Variants in PCID2 observed in about 807,000 individuals in gnomAD.
PCID2 encodes the protein PCI domain containing 2, also known as PCI domain-containing protein 2.
A neutral mutation model predicts 61.3 loss-of-function variants in PCID2; 41 were observed. That is an observed-to-expected ratio of 0.67 (90% CI 0.52 to 0.87). The LOEUF is 0.87. PCID2 is among the 40% of genes least tolerant of loss of function. The pLI is 0.00. For missense variants in PCID2, 392 were observed against 493.4 expected, an observed-to-expected ratio of 0.79 and a Z score of 1.95; for synonymous variants, 187 against 177.8, an observed-to-expected ratio of 1.05 and a Z score of -0.41.
At chr13:113,178,844 G>T (rs1185940601) in intron 13 of PCID2, 122 bp downstream of exon 13, 2 of 895,830 alleles carry the variant, frequency 2.2e-6, no homozygotes, top group East Asian at 2.7e-5. Flanking sequence ...GCTAAAATTA[G>T]TTCTATCAAA....
rs2039161195 is a variant in PCID2 at position 113,198,193 on chromosome 13, T to C, written c.198A>G (p.Leu66=). The change falls in exon 3 of 14, where the codon TTA becomes TTG. Residue 66 remains leucine, a splice_region_variant and synonymous_variant. Coordinates refer to ENST00000337344, the MANE Select transcript of PCID2 (RefSeq NM_001127202.4). ...TTTCTTCCTCCCCAACAGATTACCT[T>C]AAATGAGCTGCAAACATTTCATCAT... The part of the protein sequence containing the change: ...PPYDEMFAAH[L]RCTYAVGNHD... 1 of 1,599,222 alleles carries C rather than the reference T, an allele frequency of 6.3e-7. No homozygotes were observed.
chr13:113,200,634 A>G (rs2039352170), intron 1 of PCID2, 118 bp from the exon 2 acceptor site: 1 of 656,408 alleles, frequency 1.5e-6, no homozygotes, highest in African/African-American at 1.8e-5. Context: ...CTTTGAAAGA[A>G]GACAGAACAA....
chr13:113,178,591 T>C, intron 13 of PCID2: 3 of 379,870 alleles, frequency 7.9e-6, no homozygotes, highest in Non-Finnish European at 1.5e-5. Context: ...ACAACAGCTA[T>C]CTACAGTGCA....
chr13:113,192,987 T>C (rs2038735688), intron 6 of PCID2, among the ~76,000 whole-genome samples: 1 of 152,178 alleles, frequency 6.6e-6, no homozygotes, highest in Non-Finnish European at 1.5e-5. Flanking sequence ...GAAGCGGCCC[T>C]CTTCATCAGA....
chr13:113,196,446 T>C (rs1213570109), intron 4 of PCID2, among the ~76,000 whole-genome samples: 2 of 152,214 alleles, frequency 1.3e-5, no homozygotes, highest in Non-Finnish European at 2.9e-5. Context: ...ATACACACTG[T>C]CTCCTAAATA....
chr13:113,180,543 G>A (rs553751837), intron 10 of PCID2, among the ~76,000 whole-genome samples: 11 of 152,300 alleles, frequency 7.2e-5, no homozygotes, highest in Admixed American at 2.6e-4. Context: ...GTAGGCATAC[G>A]GAAGTAGCTT....
At chr13:113,203,948 CCATGTGGGCAGGCCTAG>C (rs2039615581) in intron 1 of PCID2, among the ~76,000 whole-genome samples, 1 of 152,264 alleles carries the variant, frequency 6.6e-6, no homozygotes, top group Non-Finnish European at 1.5e-5. Flanking sequence ...CCTCCCTGTG[CCATGTGGGCAGGCCTAG>C]CCACAGGAGC....
At position 113,179,168 on chromosome 13, in the gene PCID2, T is replaced by C; in HGVS notation, c.987-79A>G. On this transcript the variant is annotated intron_variant, in intron 12 of 13. Coordinates refer to ENST00000337344, the MANE Select transcript of PCID2 (RefSeq NM_001127202.4). This position sits in a 1 kb window ranked among gnomAD's most constrained non-coding sequence, Gnocchi z 4.3. The stretch of plus-strand genomic sequence containing the variant: ...ACAGCCAAGAAAAGGCACCTCTTAA[T>C]AAGCCGGTGTTCTAAAGGAGTAAAA... 1 of 1,323,648 alleles carries C rather than the reference T, an allele frequency of 7.6e-7. No homozygotes were observed. Among genetic ancestry groups the C allele is most frequent in the Non-Finnish European group, 1.0e-6 (1 of 956,210 alleles). The allele number at this position is 1,323,648 out of a possible 1,614,324, so 82.0% of individuals were successfully genotyped here. A position where few individuals can be genotyped will look rare whatever the true frequency, so the allele number is the denominator to read the frequency against.
intron 1 of PCID2, chr13:113,200,744 G>C (rs1214156325): frequency 2.9e-6 from 1 of 340,566 alleles, no homozygotes; most frequent in African/African-American, 2.6e-5. Context: ...CTGTCGCCCA[G>C]GTCGGACTGC....
Position 113,208,451 on chromosome 13 carries a change from G to C in PCID2, c.36+148C>G. The C allele has an allele frequency of 5.3e-6, 8 of 1,521,066 alleles. No homozygotes were observed. In the South Asian group the frequency reaches 8.5e-5, roughly 16 times the overall value. The allele number at this position is 1,521,066 out of a possible 1,614,324, so 94.2% of individuals were successfully genotyped here. Reference sequence around the variant, plus strand: ...TCCCGAGTCCCGGCCGCCGCTGTTCGGCTCGCGCGGCTGCCCGCCGGGGAC... The same window carrying C: ...TCCCGAGTCCCGGCCGCCGCTGTTCCGCTCGCGCGGCTGCCCGCCGGGGAC... On this transcript the variant is annotated intron_variant, in intron 1 of 13. Transcript: ENST00000337344.
intron 6 of PCID2, among the ~76,000 whole-genome samples, chr13:113,192,548 AAAC>A (rs1420062507): frequency 6.6e-6 from 1 of 152,240 alleles, no homozygotes; most frequent in African/African-American, 2.4e-5. Context: ...ACTTCCAGGC[AAAC>A]AACTGATGGT....
intron 1 of PCID2, among the ~76,000 whole-genome samples, chr13:113,201,962 G>A (rs936163038): frequency 6.6e-6 from 1 of 152,076 alleles, no homozygotes; most frequent in Non-Finnish European, 1.5e-5. Context: ...GTCATAACAT[G>A]CATGTGCAAA....
intron 6 of PCID2, among the ~76,000 whole-genome samples, chr13:113,191,658 G>A (rs2038627266): frequency 6.6e-6 from 1 of 152,152 alleles, no homozygotes; most frequent in African/African-American, 2.4e-5. Flanking sequence ...GCATTTGGGA[G>A]GATGGCCTTG....
chr13:113,201,280 GA>G (rs59635425), intron 1 of PCID2, among the ~76,000 whole-genome samples: 11 of 151,060 alleles, frequency 7.3e-5, no homozygotes, highest in Admixed American at 2.6e-4. Context: ...ATGATTAAAT[GA>G]AAAAAAAAGT....
At chr13:113,178,551 C>T in intron 13 of PCID2, 1 of 418,302 alleles carries the variant, frequency 2.4e-6, no homozygotes, top group Non-Finnish European at 4.4e-6. Flanking sequence ...AGACGCTCTT[C>T]CCTTGCCGTG....
rs905570993 is a variant in PCID2 at position 113,179,745 on chromosome 13, C to G, written c.986+172G>C. On this transcript the variant is annotated intron_variant, in intron 12 of 13. Transcript: ENST00000337344. The surrounding 1 kb of genome is among the most constrained non-coding windows in gnomAD (Gnocchi z 4.3). ...GCTTGTGCTACTCACGTGTCTCGCG[C>G]AGGGTCCCCAGGAGGCAGTGGGCGG... Among the ~76,000 whole-genome samples the G allele has an allele frequency of 6.6e-6, 1 of 152,188 alleles. No homozygotes were observed. The highest frequency in any genetic ancestry group is 1.5e-5 in the Non-Finnish European group (1 of 68,034).
chr13:113,208,341 G>A, intron 1 of PCID2: 1 of 1,432,472 alleles, frequency 7.0e-7, no homozygotes, highest in Non-Finnish European at 9.1e-7. Flanking sequence ...GGACCGCCGC[G>A]TCTACTTACA....
chr13:113,165,045 A>G, the PCID2 span: 1 of 1,613,436 alleles, frequency 6.2e-7, no homozygotes, highest in Non-Finnish European at 8.5e-7. Context: ...TTGCTGCCGC[A>G]AATGCAGACC....
intron 1 of PCID2, chr13:113,208,043 G>A: frequency 6.2e-7 from 1 of 1,612,826 alleles, no homozygotes; most frequent in Non-Finnish European, 8.5e-7. Context: ...AACAACATCT[G>A]TCAGACGCAT....
Sources: gnomAD v4.1 joint callset for allele counts (sites outside exome capture counted in the v4.1 genomes callset) on GRCh38, gnomAD v4.1.1 for gene constraint, Gnocchi (gnomAD v3.1) non-coding constraint, MANE v1.5 for transcripts, NCBI Gene and HGNC (gene_info 2026-07-23, HGNC 2026-07-21) for gene names.